MICAL2: variants seen among roughly 807,000 people sequenced by gnomAD.
The protein encoded by MICAL2 is microtubule associated monooxygenase, calponin and LIM domain containing 2, also known as [F-actin]-monooxygenase MICAL2.
In MICAL2, 77 loss-of-function variants were observed where a neutral mutation model predicts 127.3. That is an observed-to-expected ratio of 0.60 (90% CI 0.50 to 0.73). The LOEUF is 0.73. Among genes scored for constraint, MICAL2 ranks in the 30% least tolerant of loss-of-function variants. The pLI is 0.00. For missense variants in MICAL2, 1,351 were observed against 1,434.4 expected (o/e 0.94, Z 0.94); for synonymous variants, 570 against 551.1 (o/e 1.03, Z -0.48).
intron 24 of MICAL2, 34 bp downstream of exon 24, chr11:12,257,005 G>T: frequency 6.3e-7 from 1 of 1,581,338 alleles, no homozygotes; most frequent in Non-Finnish European, 8.6e-7. Flanking sequence ...ACTGGGCTCT[G>T]GCCTTGGCCT....
At chr11:12,182,877 C>A (rs1230067933) in intron 3 of MICAL2, among the ~76,000 whole-genome samples, 1 of 152,118 alleles carries the variant, frequency 6.6e-6, no homozygotes, top group Admixed American at 6.5e-5. Context: ...TGCAAGAGGG[C>A]CTTGGGGTAA....
intron 16 of MICAL2, among the ~76,000 whole-genome samples, chr11:12,237,098 C>T (rs1859191609): frequency 6.6e-6 from 1 of 152,136 alleles, no homozygotes; most frequent in Non-Finnish European, 1.5e-5. Flanking sequence ...CTGCCCCTCA[C>T]AACAGTGAGC....
chr11:12,293,957 T>C, downstream of MICAL2: 1 of 1,613,826 alleles, frequency 6.2e-7, no homozygotes, highest in South Asian at 1.1e-5. Flanking sequence ...AAAGGAGAAG[T>C]TGGGCCTGAA....
intron 16 of MICAL2, among the ~76,000 whole-genome samples, chr11:12,238,876 C>A (rs909789623): frequency 6.6e-6 from 1 of 152,056 alleles, no homozygotes; most frequent in Non-Finnish European, 1.5e-5. Context: ...TAAAATTTTT[C>A]TTTAAAAAGA....
At chr11:12,321,988 G>C (rs1864304125) in intron 30 of MICAL2, among the ~76,000 whole-genome samples, 1 of 151,932 alleles carries the variant, frequency 6.6e-6, no homozygotes, top group Non-Finnish European at 1.5e-5. Flanking sequence ...ATGAAATGTG[G>C]ATACTAGATT....
chr11:12,325,575 C>A (rs1370889358), intron 31 of MICAL2, among the ~76,000 whole-genome samples: 2 of 152,236 alleles, frequency 1.3e-5, no homozygotes, highest in Non-Finnish European at 2.9e-5. Flanking sequence ...GGTGAGGCCT[C>A]TCTTCCGGGC....
At chr11:12,258,324 C>T (rs1298737321) in intron 24 of MICAL2, 144 bp from the exon 25 acceptor site, 3 of 643,938 alleles carry the variant, frequency 4.7e-6, no homozygotes, top group Non-Finnish European at 8.3e-6. Context: ...GTGACAGAAG[C>T]CGTTTCCCAA....
intron 3 of MICAL2, among the ~76,000 whole-genome samples, chr11:12,173,480 T>A (rs1489902059): frequency 6.6e-6 from 1 of 152,250 alleles, no homozygotes; most frequent in Non-Finnish European, 1.5e-5. Flanking sequence ...GAGAATGAGC[T>A]CTTGCATTTA....
downstream of MICAL2, among the ~76,000 whole-genome samples, chr11:12,293,333 G>T (rs3812750): frequency 2.0e-5 from 3 of 152,014 alleles, no homozygotes; most frequent in African/African-American, 7.3e-5. Flanking sequence ...AAAGCCTTTC[G>T]TCAGTACTGA....
downstream of MICAL2, chr11:12,292,419 G>A (rs766393128): frequency 9.3e-5 from 98 of 1,056,196 alleles, no homozygotes; most frequent in East Asian, 4.3e-4. Context: ...CAAAGCCAGC[G>A]CCAGAAGATA....
exon 30 of MICAL2, chr11:12,319,779 G>A (rs560684975): frequency 6.2e-7 from 1 of 1,614,084 alleles, no homozygotes. Context: ...TGCAGATGAA[G>A]AATTTGATCC....
chr11:12,321,718 C>T (rs746924112), intron 30 of MICAL2, among the ~76,000 whole-genome samples: 6 of 152,098 alleles, frequency 3.9e-5, no homozygotes, highest in Non-Finnish European at 8.8e-5. Flanking sequence ...CAATACATGA[C>T]TTTCTTTCCT....
intron 33 of MICAL2, among the ~76,000 whole-genome samples, chr11:12,351,810 A>G (rs1254983740): frequency 6.7e-6 from 1 of 149,652 alleles, no homozygotes. Flanking sequence ...TTTTTCTTTG[A>G]GACAGAGTCT....
intron 7 of MICAL2, among the ~76,000 whole-genome samples, chr11:12,215,790 T>A (rs182499887): frequency 3.9e-5 from 6 of 152,278 alleles, no homozygotes; most frequent in Non-Finnish European, 8.8e-5. Flanking sequence ...CTTGGCATAG[T>A]CATTGGAGAA....
At chr11:12,241,306 G>A (rs1368121321) in intron 18 of MICAL2, 144 bp downstream of exon 18, 5 of 1,062,686 alleles carry the variant, frequency 4.7e-6, no homozygotes, top group Non-Finnish European at 6.7e-6. Context: ...CACACTTATA[G>A]GTAAGAATAA....
downstream of MICAL2, chr11:12,294,553 C>T (rs945413094): frequency 4.3e-6 from 7 of 1,614,182 alleles, no homozygotes; most frequent in Admixed American, 3.3e-5. Flanking sequence ...CCACACTCCT[C>T]GAGAAAGTGA....
intron 22 of MICAL2, 100 bp downstream of exon 22, chr11:12,249,346 G>T (rs1861224689): frequency 2.8e-6 from 2 of 705,500 alleles, no homozygotes; most frequent in Admixed American, 2.3e-5. Flanking sequence ...ATGATCAGCA[G>T]CAGTACAGTG....
chr11:12,228,829 G>A (rs60400249), intron 15 of MICAL2, among the ~76,000 whole-genome samples: 30,614 of 152,130 alleles, frequency 0.2, 3,435 homozygotes, highest in African/African-American at 0.28. Flanking sequence ...TAGGACTGGA[G>A]TGGGGAGTTC....
chr11:12,252,637 C>T (rs1493956), intron 22 of MICAL2: 117,921 of 152,180 alleles, frequency 0.77, 45,772 homozygotes, highest in Middle Eastern at 0.82. Flanking sequence ...CCTGTGCTTT[C>T]GCTGGAAGCC....
Sources: gnomAD v4.1 joint callset for allele counts (sites outside exome capture counted in the v4.1 genomes callset) on GRCh38, gnomAD v4.1.1 for gene constraint, MANE v1.5 for transcripts, NCBI Gene and HGNC (gene_info 2026-07-23, HGNC 2026-07-21) for gene names.